Variants in RBL2 observed in about 807,000 individuals in gnomAD.
RBL2 encodes the protein retinoblastoma-like protein 2.
A neutral mutation model predicts 126.0 loss-of-function variants in RBL2; 56 were observed. That is an observed-to-expected ratio of 0.44 (90% CI 0.36 to 0.56). The LOEUF is 0.56. Ranked by LOEUF, RBL2 falls within the 20% of genes least tolerant of loss-of-function variation. The pLI, the probability that RBL2 is intolerant of heterozygous loss-of-function variation, is 0.00. For missense variants in RBL2, 1,229 were observed against 1,398.2 expected (o/e 0.88, Z 1.93); for synonymous variants, 454 against 478.5 (o/e 0.95, Z 0.67).
intron 8 of RBL2, among the ~76,000 whole-genome samples, chr16:53,457,923 GT>G (rs2150800598): frequency 6.6e-6 from 1 of 152,278 alleles, no homozygotes; most frequent in East Asian, 1.9e-4. Context: ...TGATTCTCCT[GT>G]TTGTGTACAA....
intron 17 of RBL2, among the ~76,000 whole-genome samples, chr16:53,473,132 A>G (rs1407879819): frequency 6.6e-6 from 1 of 152,170 alleles, no homozygotes; most frequent in Non-Finnish European, 1.5e-5. Context: ...AAATTGGGAA[A>G]TATGAGTGCT....
Position 53,459,500 on chromosome 16 carries a change from A to C in RBL2, c.1229A>C (p.Lys410Thr). 1 of 1,613,522 alleles carries C rather than the reference A, an allele frequency of 6.2e-7. No homozygotes were observed. Among genetic ancestry groups the C allele is most frequent in the Non-Finnish European group, 8.5e-7 (1 of 1,179,788 alleles). The stretch of plus-strand genomic sequence containing the variant: ...CCACTAACTGGTGTTAGGTACATTA[A>C]GGAGAATAGCCCTTGTGTGACTCCA... Reference protein sequence around the residue: ...STPLTGVRYIKENSPCVTPVS... With the variant: ...STPLTGVRYITENSPCVTPVS... The change falls in exon 9 of 22, where the codon AAG becomes ACG. Residue 410 changes from lysine to threonine, a missense_variant. Around this residue, in one of 2 missense-constraint regions of RBL2, gnomAD observed 1,070 missense variants for 1,274.3 expected, o/e 0.84. Transcript: ENST00000262133.
chr16:53,456,161 G>A (rs907298347), intron 8 of RBL2, among the ~76,000 whole-genome samples: 2 of 149,638 alleles, frequency 1.3e-5, no homozygotes, highest in African/African-American at 5.0e-5. Flanking sequence ...GGGTGACAGA[G>A]CAAGAGCCTG....
At chr16:53,456,186 G>GAA (rs111847363) in intron 8 of RBL2, among the ~76,000 whole-genome samples, 1 of 151,210 alleles carries the variant, frequency 6.6e-6, no homozygotes, top group Non-Finnish European at 1.5e-5. Context: ...TAAAAAAAAA[G>GAA]AAAAGAAGAA....
intron 21 of RBL2, among the ~76,000 whole-genome samples, chr16:53,487,113 A>G (rs978666840): frequency 6.6e-6 from 1 of 152,266 alleles, no homozygotes; most frequent in Non-Finnish European, 1.5e-5. Flanking sequence ...ATTCATGGAA[A>G]ATAAAACAGC....
intron 10 of RBL2, 29 bp from the exon 11 acceptor site, chr16:53,462,523 T>C: frequency 7.4e-7 from 1 of 1,357,220 alleles, no homozygotes. Flanking sequence ...GCCATTTTTG[T>C]GGGGTTTTTT....
At chr16:53,469,811 A>T in intron 14 of RBL2, 105 bp from the exon 15 acceptor site, 2 of 1,260,232 alleles carry the variant, frequency 1.6e-6, no homozygotes, top group African/African-American at 1.5e-5. Flanking sequence ...TTGAATTATG[A>T]AGTATTTCAA....
intron 6 of RBL2, 36 bp downstream of exon 6, chr16:53,453,648 T>G: frequency 6.2e-7 from 1 of 1,604,038 alleles, no homozygotes; most frequent in Non-Finnish European, 8.5e-7. Context: ...TGAAAATGTT[T>G]TCTGGAGAAA....
intron 1 of RBL2, chr16:53,435,804 T>G (rs1056127789): frequency 2.5e-6 from 3 of 1,200,092 alleles, no homozygotes; most frequent in African/African-American, 3.2e-5. Context: ...TATTTTTAAT[T>G]TGTATTTGCA....
At chr16:53,476,093 G>A (rs1363998813) in intron 17 of RBL2, among the ~76,000 whole-genome samples, 1 of 151,656 alleles carries the variant, frequency 6.6e-6, no homozygotes, top group East Asian at 1.9e-4. Context: ...CAAAGTGCTG[G>A]GATTACAGGT....
At position 53,447,019 on chromosome 16, in the gene RBL2, CTTT is replaced by C; in HGVS notation, c.573-15_573-13del. On this transcript the variant is annotated intron_variant, in intron 3 of 21. Coordinates refer to ENST00000262133, the MANE Select transcript of RBL2 (RefSeq NM_005611.4). ...TTCTGATTCTTCTGTTGTCTCATGACTTTTTTTTTTCTTCCCCCAAAGGCGACA... is the reference window on the plus strand; with the variant it reads ...TTCTGATTCTTCTGTTGTCTCATGACTTTTTTTCTTCCCCCAAAGGCGACA... 4 of 1,334,768 alleles carry C rather than the reference CTTT, an allele frequency of 3.0e-6. No individual in the cohort carries two copies. Among genetic ancestry groups the C allele is most frequent in the South Asian group, 3.1e-5 (2 of 63,626 alleles). 82.7% of individuals were successfully genotyped at this position (1,334,768 alleles called of 1,614,324 possible).
intron 21 of RBL2, chr16:53,488,651 A>G (rs189817860): frequency 1.1e-4 from 17 of 152,366 alleles, no homozygotes; most frequent in African/African-American, 3.1e-4. Flanking sequence ...GACTACTATG[A>G]GAAAATAATT....
At chr16:53,441,520 A>G (rs2058016100) in intron 2 of RBL2, among the ~76,000 whole-genome samples, 1 of 152,218 alleles carries the variant, frequency 6.6e-6, no homozygotes, top group Non-Finnish European at 1.5e-5. Flanking sequence ...TGTTCATATG[A>G]AAGAATGTTT....
At chr16:53,463,185 T>C (rs901348761) in intron 11 of RBL2, among the ~76,000 whole-genome samples, 1 of 152,144 alleles carries the variant, frequency 6.6e-6, no homozygotes, top group African/African-American at 2.4e-5. Flanking sequence ...AATTAAAAAA[T>C]AATAATTATT....
intron 2 of RBL2, among the ~76,000 whole-genome samples, chr16:53,442,011 C>T (rs191692560): frequency 2.4e-4 from 37 of 151,980 alleles, no homozygotes; most frequent in African/African-American, 8.7e-4. Context: ...TAGTAGAGAT[C>T]GGGTTTTACC....
intron 14 of RBL2, among the ~76,000 whole-genome samples, chr16:53,467,597 A>C (rs1286838734): frequency 1.3e-5 from 2 of 152,234 alleles, no homozygotes; most frequent in Non-Finnish European, 2.9e-5. Flanking sequence ...CATATTGGCC[A>C]GGCTGGCCTT....
rs12325493 is a variant in RBL2 at position 53,471,593 on chromosome 16, C to G, written c.2703+671C>G. Among the ~76,000 whole-genome samples the G allele has an allele frequency of 7.5e-3, 1,147 of 152,102 alleles. 21 individuals are homozygous for G. Among genetic ancestry groups the G allele is most frequent in the African/African-American group, 0.027 (1,101 of 41,454 alleles). ...AAGCGATTCTCCTGTCGTAGCCTCC[C>G]GAGTAGCTGGGATTACAGCCATGTG... is the stretch of plus-strand genomic sequence containing the variant. On this transcript the variant is annotated intron_variant, in intron 17 of 21. Transcript: ENST00000262133.
At chr16:53,486,268 T>A (rs1448041946) in intron 21 of RBL2, among the ~76,000 whole-genome samples, 1 of 151,956 alleles carries the variant, frequency 6.6e-6, no homozygotes, top group African/African-American at 2.4e-5. Flanking sequence ...ACCCCTGCAC[T>A]CCATCCTGGG....
Position 53,470,889 on chromosome 16 carries a change from G to A in RBL2, c.2670G>A (p.Gln890=). Reference sequence around the variant, plus strand: ...TTATGATGGACAGACATCTGGACCAGTTATTAATGTGTGCCATTTATGTGA... The same window carrying A: ...TTATGATGGACAGACATCTGGACCAATTATTAATGTGTGCCATTTATGTGA... The part of the protein sequence containing the change: ...PELMMDRHLD[Q]LLMCAIYVMA... Residue 890 remains glutamine (Q), a synonymous_variant, in exon 17 of 22, where the codon CAG becomes CAA. Coordinates refer to ENST00000262133, the MANE Select transcript of RBL2 (RefSeq NM_005611.4). The A allele has an allele frequency of 6.2e-7, 1 of 1,613,490 alleles. No individual in the cohort carries two copies. Among genetic ancestry groups the A allele is most frequent in the Non-Finnish European group, 8.5e-7 (1 of 1,179,864 alleles).
Sources: allele counts gnomAD v4.1 joint callset (sites outside exome capture counted in the v4.1 genomes callset), GRCh38; gene constraint gnomAD v4.1.1; regional missense constraint gnomAD v4.1.1; transcripts MANE v1.5; gene names NCBI Gene and HGNC (gene_info 2026-07-23, HGNC 2026-07-21).